PDYN: variants seen among roughly 807,000 people sequenced by gnomAD.
The protein encoded by PDYN is prodynorphin.
In PDYN, 5 loss-of-function variants were observed where a neutral mutation model predicts 11.4. The ratio of observed to expected loss-of-function variants is 0.44; its 90% CI spans 0.23 to 0.92. The LOEUF is 0.92. PDYN is among the 40% of genes least tolerant of loss of function. The pLI, the probability that PDYN is intolerant of heterozygous loss-of-function variation, is 0.24. For synonymous variants in PDYN, 132 were observed against 129.5 expected (o/e 1.02, Z -0.13); for missense variants, 337 against 317.3 (o/e 1.06, Z -0.47).
intron 2 of PDYN, among the ~76,000 whole-genome samples, chr20:1,989,343 C>CT (rs1391715806): frequency 6.6e-6 from 1 of 152,068 alleles, no homozygotes; most frequent in Non-Finnish European, 1.5e-5. Flanking sequence ...TGGGATTTAC[C>CT]TTTTCCTTGA....
In PDYN at chr20:1,980,600, A is replaced by G; in HGVS notation, c.488T>C (p.Leu163Pro). ...CTGCTCCTTGGGGTCCTCCTCAGCG[A>G]GATAGAGTGTGCCAGTCTCCATGGC... is the stretch of plus-strand genomic sequence containing the variant. ...DGAMETGTLY[L>P]AEEDPKEQVK... Residue 163 changes from leucine (L) to proline (P), a missense_variant, in exon 4 of 4, where the codon CTC becomes CCC. Coordinates refer to ENST00000217305, the MANE Select transcript of PDYN (RefSeq NM_024411.5). 6.2e-7 allele frequency: 1 copy of G among 1,614,150 alleles called. No homozygotes were observed.
chr20:1,983,038 G>T lies in PDYN; in HGVS notation c.47C>A (p.Pro16His). 1.2e-6 allele frequency: 2 copies of T among 1,613,976 alleles called. No homozygotes were observed. Among genetic ancestry groups the T allele is most frequent in the South Asian group, 1.1e-5 (1 of 91,066 alleles). ...LVLAACLLMF[P>H]STTADCLSRC... is the part of the protein sequence containing the mutation. Reference sequence around the variant, plus strand: ...CGACAGGCAGTCCGCTGTGGTGGAGGGGAACATGAGGAGGCAGGCAGCCAG... The same window carrying T: ...CGACAGGCAGTCCGCTGTGGTGGAGTGGAACATGAGGAGGCAGGCAGCCAG... Residue 16 changes from proline to histidine, a missense_variant, in exon 3 of 4, where the codon CCC becomes CAC. Pro to His is a moderately conservative substitution (Grantham distance 77). Coordinates refer to ENST00000217305, the MANE Select transcript of PDYN (RefSeq NM_024411.5).
rs2122298282 is a variant in PDYN, at chr20:1,979,896, G to C, written c.*427C>G. On this transcript the variant is annotated 3_prime_UTR_variant, in exon 4 of 4. Coordinates refer to ENST00000217305, the MANE Select transcript of PDYN (RefSeq NM_024411.5). ...TATGATGTGTATACTATCTGCATGA[G>C]GGAGCATGCTCATATTTCTTCTAAG... The C allele has an allele frequency of 3.7e-6, 1 of 271,058 alleles. No individual in the cohort carries two copies. Among genetic ancestry groups the C allele is most frequent in the Non-Finnish European group, 7.2e-6 (1 of 139,028 alleles). 16.8% of individuals were successfully genotyped at this position (271,058 alleles called of 1,614,324 possible). A position where few individuals can be genotyped will look rare whatever the true frequency, so the allele number is the denominator to read the frequency against.
chr20:1,980,892 G>GAAAGCTCTGGC lies in PDYN; in HGVS notation c.185_195dup (p.Leu66AlafsTer42). 1 of 1,614,220 alleles carries GAAAGCTCTGGC rather than the reference G, an allele frequency of 6.2e-7. No individual in the cohort carries two copies. Among genetic ancestry groups the GAAAGCTCTGGC allele is most frequent in the Non-Finnish European group, 8.5e-7 (1 of 1,180,034 alleles). ...AGGGTGGAGGGGGTGAAAAAAGACAGAAAGCTCTGGCATCTCTCCCATTCC... is the reference window on the plus strand; with the variant it reads ...AGGGTGGAGGGGGTGAAAAAAGACAGAAAGCTCTGGCAAAGCTCTGGCATCTCTCCCATTCC... On this transcript the variant is annotated frameshift_variant, in exon 4 of 4. Transcript: ENST00000217305. LOFTEE classifies it low-confidence loss of function (END_TRUNC).
At chr20:1,982,308 C>T (rs957123789) in intron 3 of PDYN, among the ~76,000 whole-genome samples, 1 of 152,152 alleles carries the variant, frequency 6.6e-6, no homozygotes, top group African/African-American at 2.4e-5. Flanking sequence ...CATGGAATCA[C>T]CTCCATTTTG....
chr20:1,983,799 C>A (rs1253896832), intron 2 of PDYN, among the ~76,000 whole-genome samples: 1 of 152,236 alleles, frequency 6.6e-6, no homozygotes, highest in African/African-American at 2.4e-5. Context: ...GCCCTTCTGC[C>A]TAAATGTCAG....
intron 2 of PDYN, among the ~76,000 whole-genome samples, chr20:1,984,740 A>C (rs1007396489): frequency 5.2e-4 from 79 of 152,236 alleles, no homozygotes; most frequent in African/African-American, 1.8e-3. Context: ...CTCCATTAAA[A>C]ATACAAAAAT....
At chr20:1,984,273 CTTCT>C (rs1441933918) in intron 2 of PDYN, among the ~76,000 whole-genome samples, 3 of 152,152 alleles carry the variant, frequency 2.0e-5, no homozygotes, top group Non-Finnish European at 4.4e-5. Flanking sequence ...TCACTAGTTC[CTTCT>C]TTGTCATTAA....
intron 2 of PDYN, among the ~76,000 whole-genome samples, chr20:1,983,527 C>T (rs1987965085): frequency 6.6e-6 from 1 of 152,204 alleles, no homozygotes; most frequent in Non-Finnish European, 1.5e-5. Flanking sequence ...TGGCTAAATG[C>T]TTTTCTGAGT....
chr20:1,988,213 G>A (rs1478674726), intron 2 of PDYN, among the ~76,000 whole-genome samples: 1 of 152,066 alleles, frequency 6.6e-6, no homozygotes, highest in African/African-American at 2.4e-5. Context: ...TTTTACAGAG[G>A]GCCAGACTGA....
At chr20:1,984,078 G>A (rs1036459542) in intron 2 of PDYN, among the ~76,000 whole-genome samples, 3 of 152,174 alleles carry the variant, frequency 2.0e-5, no homozygotes, top group Non-Finnish European at 2.9e-5. Context: ...CCAGCAACAT[G>A]TGCCTCTTCC....
intron 2 of PDYN, among the ~76,000 whole-genome samples, chr20:1,984,909 A>T (rs970371139): frequency 6.6e-6 from 1 of 152,128 alleles, no homozygotes; most frequent in Non-Finnish European, 1.5e-5. Context: ...AAAAAAAAAA[A>T]GTTGTCTGTT....
chr20:1,988,939 T>C (rs945808526), intron 2 of PDYN, among the ~76,000 whole-genome samples: 1 of 152,216 alleles, frequency 6.6e-6, no homozygotes, highest in African/African-American at 2.4e-5. Flanking sequence ...CATGCCCCTT[T>C]GTTTGCATCT....
In PDYN at chr20:1,979,952, CAT is replaced by C. The variant is rs1337335945; in HGVS notation, c.*369_*370del. Reference sequence around the variant, plus strand: ...CATGTGATCTGTTAAGTTTGGACATCATAGACCTACAGGTACAAAGAACACAT... The same window carrying C: ...CATGTGATCTGTTAAGTTTGGACATCAGACCTACAGGTACAAAGAACACAT... On this transcript the variant is annotated 3_prime_UTR_variant, in exon 4 of 4. Transcript: ENST00000217305. 1 of 348,450 alleles carries C rather than the reference CAT, an allele frequency of 2.9e-6. No individual in the cohort carries two copies. The highest frequency in any genetic ancestry group is 2.1e-5 in the African/African-American group (1 of 47,502). The allele number at this position is 348,450 out of a possible 1,614,324, so 21.6% of individuals were successfully genotyped here.
intron 2 of PDYN, among the ~76,000 whole-genome samples, chr20:1,988,472 G>C (rs2122379827): frequency 6.6e-6 from 1 of 152,336 alleles, no homozygotes; most frequent in East Asian, 1.9e-4. Flanking sequence ...GAGCTGGGAA[G>C]TCACACATAA....
At chr20:1,983,914 C>T (rs368538927) in intron 2 of PDYN, among the ~76,000 whole-genome samples, 102 of 152,324 alleles carry the variant, frequency 6.7e-4, no homozygotes, top group African/African-American at 2.4e-3. Flanking sequence ...CTGACCCACC[C>T]CCAGGCCTTT....
intron 2 of PDYN, among the ~76,000 whole-genome samples, chr20:1,987,515 G>A (rs1988243052): frequency 6.6e-6 from 1 of 152,214 alleles, no homozygotes; most frequent in South Asian, 2.1e-4. Context: ...ACCACCTGGG[G>A]CTTCCCTCAC....
chr20:1,985,920 G>A (rs900157155), intron 2 of PDYN, among the ~76,000 whole-genome samples: 4 of 152,158 alleles, frequency 2.6e-5, no homozygotes, highest in Admixed American at 6.5e-5. Flanking sequence ...TACTGGGGAG[G>A]GGGCGCCTAC....
chr20:1,981,117 G>A (rs1987753581), intron 3 of PDYN, among the ~76,000 whole-genome samples, 159 bp from the exon 4 acceptor site: 2 of 152,314 alleles, frequency 1.3e-5, no homozygotes, highest in South Asian at 4.1e-4. Context: ...ATAAAGGTAG[G>A]GGACTTTGTG....
Sources: allele counts gnomAD v4.1 joint callset (sites outside exome capture counted in the v4.1 genomes callset), GRCh38; gene constraint gnomAD v4.1.1; transcripts MANE v1.5; gene names NCBI Gene and HGNC (gene_info 2026-07-23, HGNC 2026-07-21).